The following ZGRF1 variants were observed in gnomAD, a reference collection of about 807,000 sequenced individuals.
The protein encoded by ZGRF1 is 5'-3' DNA helicase ZGRF1.
ZGRF1 carries 196 observed loss-of-function variants against 203.5 expected under a neutral mutation model. The ratio of observed to expected loss-of-function variants is 0.96; its 90% confidence interval spans 0.86 to 1.08. The LOEUF (loss-of-function observed/expected upper bound fraction) is 1.08. Ranked by LOEUF, ZGRF1 falls within the 50% of genes least tolerant of loss-of-function variation. The probability of loss-of-function intolerance (pLI) is 0.00; values close to 1 mark genes in which losing one functional copy is unlikely to be tolerated. For missense variants in ZGRF1, 2,326 were observed against 2,416.3 expected (o/e 0.96, Z 0.78); for synonymous variants, 809 against 841.3 (o/e 0.96, Z 0.66).
intron 16 of ZGRF1, among the ~76,000 whole-genome samples, chr4:112,567,326 T>C (rs1336318387): frequency 6.6e-6 from 1 of 151,422 alleles, no homozygotes; most frequent in Non-Finnish European, 1.5e-5. Flanking sequence ...GGCCAAAATA[T>C]TGAGACATTC....
intron 17 of ZGRF1, 53 bp downstream of exon 17, chr4:112,563,078 T>C (rs1164882385): frequency 6.9e-7 from 1 of 1,456,038 alleles, no homozygotes; most frequent in Non-Finnish European, 9.3e-7. Flanking sequence ...CAGTGCATCT[T>C]ATGTCTATCA....
At chr4:112,621,735 T>TC (rs1484745410) in intron 4 of ZGRF1, among the ~76,000 whole-genome samples, 1 of 151,440 alleles carries the variant, frequency 6.6e-6, no homozygotes, top group Non-Finnish European at 1.5e-5. Flanking sequence ...GAAATGATTT[T>TC]TTTTTCTTTG....
rs201685620 is a variant in ZGRF1 at position 112,619,363 on chromosome 4, A to C, written c.679T>G (p.Leu227Val). The C allele has an allele frequency of 2.5e-6, 4 of 1,613,328 alleles. No homozygotes were observed. The highest frequency in any genetic ancestry group is 3.4e-6 in the Non-Finnish European group (4 of 1,179,574). Residue 227 changes from leucine to valine, a missense_variant, in exon 6 of 28, where the codon TTA becomes GTA. Physicochemically the swap from Leu to Val is conservative, Grantham distance 32. Coordinates refer to ENST00000505019, the MANE Select transcript of ZGRF1 (RefSeq NM_018392.5). ...CTTTTCACAGGCTCATTGGTCAGTA[A>C]AGAGTCTGAAAGCTTATTTCCAGAA... ...VNSGNKLSDSLLTNEPVKRDS... is the reference protein window; with the variant it reads ...VNSGNKLSDSVLTNEPVKRDS...
chr4:112,569,901 T>A (rs929162697), intron 16 of ZGRF1, among the ~76,000 whole-genome samples: 1 of 152,086 alleles, frequency 6.6e-6, no homozygotes, highest in Non-Finnish European at 1.5e-5. Context: ...CATATCTACA[T>A]TAACAGATAG....
intron 1 of ZGRF1, among the ~76,000 whole-genome samples, chr4:112,635,606 A>G (rs1159085523): frequency 6.7e-6 from 1 of 148,726 alleles, no homozygotes; most frequent in Non-Finnish European, 1.5e-5. Flanking sequence ...TATAATTATT[A>G]TGTAATTATA....
At chr4:112,588,281 G>C (rs1258303253) in intron 11 of ZGRF1, among the ~76,000 whole-genome samples, 1 of 151,924 alleles carries the variant, frequency 6.6e-6, no homozygotes, top group Non-Finnish European at 1.5e-5. Context: ...TTACAAATGA[G>C]ATTACAAAGG....
At chr4:112,622,007 C>T (rs1578477041) in intron 4 of ZGRF1, among the ~76,000 whole-genome samples, 1 of 151,442 alleles carries the variant, frequency 6.6e-6, no homozygotes, top group Admixed American at 6.6e-5. Context: ...GGATTACAGG[C>T]GTGAGCCACC....
chr4:112,635,944 T>G (rs2047605944), intron 1 of ZGRF1, among the ~76,000 whole-genome samples: 1 of 152,046 alleles, frequency 6.6e-6, no homozygotes, highest in Non-Finnish European at 1.5e-5. Flanking sequence ...AAAGGATGGT[T>G]AAATTCGATT....
Position 112,547,304 on chromosome 4 carries a change from A to C in ZGRF1, c.5579T>G (p.Phe1860Cys). 6.2e-7 allele frequency: 1 copy of C among 1,613,014 alleles called. No homozygotes were observed. The highest frequency in any genetic ancestry group is 1.3e-5 in the African/African-American group (1 of 75,016). The change falls in exon 24 of 28, where the codon TTT becomes TGT. Residue 1860 changes from phenylalanine to cysteine, a missense_variant. Transcript: ENST00000505019. ...AHENGLEQTL[F>C]DRLCLMGHKP... ...ATGTACCATTAAGCAAAGTCGATCA[A>C]AAAGAGTTTGTTCCAATCCATTTTC...
chr4:112,575,453 G>A (rs1382649213), intron 16 of ZGRF1, among the ~76,000 whole-genome samples: 2 of 152,142 alleles, frequency 1.3e-5, no homozygotes, highest in Non-Finnish European at 2.9e-5. Flanking sequence ...GCAGTGCACC[G>A]AGCATGAGCC....
rs1177833313 is a variant in ZGRF1, at chr4:112,618,490, C to T, written c.1552G>A (p.Glu518Lys). The change falls in exon 6 of 28, where the codon GAA (glutamate) becomes AAA (lysine). Residue 518 changes from glutamate (E) to lysine (K), a missense_variant. Transcript: ENST00000505019. Reference sequence around the variant, plus strand: ...GGTTGTGTTACATTACTCAGAGATTCATGAATACTATTAAGACTTTCATTA... The same window carrying T: ...GGTTGTGTTACATTACTCAGAGATTTATGAATACTATTAAGACTTTCATTA... ...MDNESLNSIH[E>K]SLSNVTQPFL... 2.4e-5 allele frequency: 39 copies of T among 1,613,118 alleles called. No individual in the cohort carries two copies. Among genetic ancestry groups the T allele is most frequent in the Non-Finnish European group, 3.2e-5 (38 of 1,179,616 alleles).
chr4:112,566,338 T>G (rs1743070334), intron 16 of ZGRF1, among the ~76,000 whole-genome samples: 2 of 88,356 alleles, frequency 2.3e-5, no homozygotes, highest in East Asian at 3.7e-4. Context: ...TGGGGACTGT[T>G]GTGGGGTGGG....
At chr4:112,619,797 G>A in intron 5 of ZGRF1, 107 bp from the exon 6 acceptor site, 2 of 1,023,462 alleles carry the variant, frequency 2.0e-6, no homozygotes, top group South Asian at 1.8e-5. Flanking sequence ...GTTTGCCTAA[G>A]GTAAAGTAAT....
At chr4:112,580,789 A>G (rs1746087127) in intron 16 of ZGRF1, among the ~76,000 whole-genome samples, 1 of 152,166 alleles carries the variant, frequency 6.6e-6, no homozygotes, top group African/African-American at 2.4e-5. Flanking sequence ...CAGGTGCTGG[A>G]GAGGATGTGG....
intron 19 of ZGRF1, among the ~76,000 whole-genome samples, chr4:112,559,767 A>C (rs1464315476): frequency 6.6e-6 from 1 of 152,202 alleles, no homozygotes; most frequent in African/African-American, 2.4e-5. Context: ...TAACCTGCCC[A>C]AAATCATACA....
chr4:112,557,378 T>C (rs1477239344), intron 20 of ZGRF1, among the ~76,000 whole-genome samples: 2 of 152,172 alleles, frequency 1.3e-5, no homozygotes, highest in Admixed American at 1.3e-4. Flanking sequence ...TTTCACCATG[T>C]TGGCCAAGCT....
intron 16 of ZGRF1, among the ~76,000 whole-genome samples, chr4:112,564,292 G>T (rs990506458): frequency 1.2e-4 from 19 of 152,190 alleles, no homozygotes; most frequent in African/African-American, 4.6e-4. Context: ...ATTAGTATGT[G>T]AATCTTGTGA....
At chr4:112,619,717 T>C (rs1284058287) in intron 5 of ZGRF1, 27 bp from the exon 6 acceptor site, 3 of 1,502,566 alleles carry the variant, frequency 2.0e-6, no homozygotes, top group East Asian at 4.5e-5. Flanking sequence ...AACTGTTAGG[T>C]GTACCATTAC....
rs186755630 is a variant in ZGRF1, at chr4:112,570,920, T to C, written c.4439-7646A>G. ...GAGTTCAAGACCAACCTGGCCACCA[T>C]GGTGAAACCCTGTCTCTACTAAAAA... On this transcript the variant is annotated intron_variant, in intron 16 of 27. Transcript: ENST00000505019. Among the ~76,000 whole-genome samples, 92 of 152,094 alleles carry C rather than the reference T, an allele frequency of 6.0e-4. 1 individual carries two copies. The highest frequency in any genetic ancestry group is 1.0e-3 in the Non-Finnish European group (71 of 68,010).
Sources: gnomAD v4.1 joint callset for allele counts (sites outside exome capture counted in the v4.1 genomes callset) on GRCh38, gnomAD v4.1.1 for gene constraint, MANE v1.5 for transcripts, NCBI Gene and HGNC (gene_info 2026-07-23, HGNC 2026-07-21) for gene names.